SCN7A: variants seen among roughly 807,000 people sequenced by gnomAD.
SCN7A encodes the protein sodium voltage-gated channel alpha subunit 7, also known as sodium channel protein type 7 subunit alpha.
SCN7A carries 138 observed loss-of-function variants against 155.2 expected under a neutral mutation model. That is an observed-to-expected ratio of 0.89 (90% confidence interval 0.77 to 1.02). The LOEUF is 1.02. Ranked by LOEUF, SCN7A falls within the 50% of genes least tolerant of loss-of-function variation. The probability of loss-of-function intolerance (pLI) is 0.00; values close to 1 mark genes in which losing one functional copy is unlikely to be tolerated. For missense variants in SCN7A, 2,058 were observed against 1,986.6 expected (o/e 1.04, Z -0.68); for synonymous variants, 693 against 649.0 (o/e 1.07, Z -1.03).
At position 166,430,809 on chromosome 2, in the gene SCN7A, A is replaced by T. The variant is rs1012891482; in HGVS notation, c.2592+1509T>A. 7.9e-5 allele frequency among the ~76,000 whole-genome samples: 12 copies of T among 152,146 alleles called. 1 individual carries two copies. The East Asian group carries it at 1.7e-3, about 22-fold the overall frequency. On this transcript the variant is annotated intron_variant, in intron 16 of 25. Transcript: ENST00000643258. ...AAATAGCAAAGAAACAAGACAGTGT[A>T]TCTCTGAATTATCAGATCATTTATA...
At chr2:166,492,631 TGG>T (rs1388580780) in intron 1 of SCN7A, among the ~76,000 whole-genome samples, 1 of 152,184 alleles carries the variant, frequency 6.6e-6, no homozygotes, top group East Asian at 1.9e-4. Flanking sequence ...ACTGTACAGG[TGG>T]CAAGAAAAGG....
rs147521677 is a variant in SCN7A at position 166,480,181 on chromosome 2, C to T, written c.-14-2471G>A. On this transcript the variant is annotated intron_variant, in intron 2 of 25. Transcript: ENST00000643258. Reference sequence around the variant, plus strand: ...TCCTTTAAAATAGCCTTTCAGGCCGCGCAGGGTGGCTCATGCCTGTAATCC... The same window carrying T: ...TCCTTTAAAATAGCCTTTCAGGCCGTGCAGGGTGGCTCATGCCTGTAATCC... Among the ~76,000 whole-genome samples, 15 of 152,174 alleles carry T rather than the reference C, an allele frequency of 9.9e-5. 1 individual carries two copies. The highest frequency in any genetic ancestry group is 2.4e-4 in the African/African-American group (10 of 41,534).
chr2:166,440,499 C>T (rs1012941654), intron 15 of SCN7A: 6 of 152,062 alleles, frequency 3.9e-5, no homozygotes, highest in African/African-American at 1.4e-4. Flanking sequence ...GAAGCTAGTG[C>T]TATCTAATGG....
intron 19 of SCN7A, 118 bp from the exon 20 acceptor site, chr2:166,421,415 C>T (rs906759145): frequency 2.8e-5 from 13 of 471,270 alleles, no homozygotes; most frequent in South Asian, 1.5e-4. Flanking sequence ...CCAGTAAATT[C>T]GTGAATTATT....
In SCN7A at chr2:166,421,273, T is replaced by C; in HGVS notation, c.3052A>G (p.Lys1018Glu). 1 of 1,533,622 alleles carries C rather than the reference T, an allele frequency of 6.5e-7. No individual in the cohort carries two copies. The highest frequency in any genetic ancestry group is 8.8e-7 in the Non-Finnish European group (1 of 1,140,760). The change falls in exon 20 of 26, where the codon AAA becomes GAA. Residue 1018 changes from lysine to glutamate, a missense_variant. Transcript: ENST00000643258. ...AGAGGTTTTAGTTCTTCCCGAGTTTTGCCTATTAAGCTAAGACAAAACACC... is the reference window on the plus strand; with the variant it reads ...AGAGGTTTTAGTTCTTCCCGAGTTTCGCCTATTAAGCTAAGACAAAACACC... ...VIVFCLSLIG[K>E]TREELKPLIS...
At chr2:166,449,252 T>C (rs1702128781) in intron 11 of SCN7A, among the ~76,000 whole-genome samples, 2 of 152,136 alleles carry the variant, frequency 1.3e-5, no homozygotes, top group Admixed American at 6.6e-5. Flanking sequence ...ACTATAGTGA[T>C]CCCTGTTTTT....
intron 15 of SCN7A, among the ~76,000 whole-genome samples, chr2:166,439,895 T>C (rs1701921211): frequency 6.6e-6 from 1 of 152,142 alleles, no homozygotes; most frequent in South Asian, 2.1e-4. Context: ...ACACAAGCAA[T>C]GTGGACAGGT....
chr2:166,469,525 T>C (rs1253568288), intron 7 of SCN7A, among the ~76,000 whole-genome samples: 1 of 151,820 alleles, frequency 6.6e-6, no homozygotes, highest in Non-Finnish European at 1.5e-5. Flanking sequence ...ACACTCCATA[T>C]TGCTGGTATG....
chr2:166,477,367 T>G, intron 3 of SCN7A, 96 bp downstream of exon 3: 1 of 825,092 alleles, frequency 1.2e-6, no homozygotes, highest in South Asian at 2.2e-5. Flanking sequence ...TCCCTGTTTT[T>G]CATTATCTTT....
At chr2:166,488,923 C>A (rs922825779) in intron 1 of SCN7A, among the ~76,000 whole-genome samples, 2 of 152,150 alleles carry the variant, frequency 1.3e-5, no homozygotes, top group African/African-American at 2.4e-5. Context: ...CAGGTGTGAG[C>A]CACTGCGCCC....
chr2:166,477,394 T>C lies in SCN7A; in HGVS notation c.234+69A>G, dbSNP rs1046432330. The stretch of plus-strand genomic sequence containing the variant: ...ATTATCTTTTTGTATCCTATCTCAA[T>C]TACATTTTCTGTATGTCTGGAAATA... On this transcript the variant is annotated intron_variant, in intron 3 of 25. Transcript: ENST00000643258. The C allele has an allele frequency of 7.9e-6, 8 of 1,011,892 alleles. No homozygotes were observed. In the South Asian group the frequency reaches 1.6e-4, roughly 20 times the overall value. The allele number at this position is 1,011,892 out of a possible 1,614,324, so 62.7% of individuals were successfully genotyped here.
intron 15 of SCN7A, among the ~76,000 whole-genome samples, chr2:166,439,916 C>A (rs140105144): frequency 1.3e-5 from 2 of 152,250 alleles, no homozygotes; most frequent in African/African-American, 4.8e-5. Flanking sequence ...AAAATTGAGT[C>A]TAACCTGCGA....
intron 2 of SCN7A, among the ~76,000 whole-genome samples, chr2:166,486,115 C>T (rs1488831818): frequency 6.6e-6 from 1 of 152,156 alleles, no homozygotes; most frequent in East Asian, 1.9e-4. Flanking sequence ...TTAAAAAGTT[C>T]CAGAATTAGG....
At chr2:166,458,427 G>T (rs963090370) in intron 10 of SCN7A, among the ~76,000 whole-genome samples, 1 of 151,576 alleles carries the variant, frequency 6.6e-6, no homozygotes, top group Admixed American at 6.6e-5. Flanking sequence ...AACCAACCAC[G>T]CATCAAAACT....
At chr2:166,436,483 T>C in intron 15 of SCN7A, 2 of 373,328 alleles carry the variant, frequency 5.4e-6, no homozygotes, top group Non-Finnish European at 1.1e-5. Context: ...TTTTGTAAAT[T>C]ATCCAGCCTT....
rs1023208861 is a variant in SCN7A at position 166,418,640 on chromosome 2, C to T, written c.3136-1655G>A. Reference sequence around the variant, plus strand: ...AGGCTTTTAACTATGATTTCAGTAACACTTTTATTTCTAAAACTAGATCAC... The same window carrying T: ...AGGCTTTTAACTATGATTTCAGTAATACTTTTATTTCTAAAACTAGATCAC... On this transcript the variant is annotated intron_variant, in intron 20 of 25. Coordinates refer to ENST00000643258, the MANE Select transcript of SCN7A (RefSeq NM_002976.4). 2.6e-5 allele frequency among the ~76,000 whole-genome samples: 4 copies of T among 151,842 alleles called. No homozygotes were observed. In the East Asian group the frequency reaches 7.7e-4, roughly 29 times the overall value.
intron 18 of SCN7A, among the ~76,000 whole-genome samples, chr2:166,425,548 C>T (rs1181604031): frequency 1.3e-5 from 2 of 152,036 alleles, no homozygotes; most frequent in Admixed American, 6.6e-5. Context: ...GATGAGAAGG[C>T]TAGTTCCTTT....
intron 6 of SCN7A, 78 bp downstream of exon 6, chr2:166,472,239 G>T: frequency 1.4e-6 from 2 of 1,386,744 alleles, no homozygotes; most frequent in Non-Finnish European, 1.9e-6. Flanking sequence ...CAAAATCTTT[G>T]CAGACGTCAA....
At chr2:166,433,125 C>T (rs532055576) in intron 15 of SCN7A, among the ~76,000 whole-genome samples, 2 of 152,172 alleles carry the variant, frequency 1.3e-5, no homozygotes, top group East Asian at 3.9e-4. Flanking sequence ...TATTTATATC[C>T]TACTGCTCAA....
Sources: allele counts gnomAD v4.1 joint callset (sites outside exome capture counted in the v4.1 genomes callset), GRCh38; gene constraint gnomAD v4.1.1; transcripts MANE v1.5; gene names NCBI Gene and HGNC (gene_info 2026-07-23, HGNC 2026-07-21).